Variants in AUTS2 observed in about 807,000 individuals in gnomAD.
AUTS2 encodes activator of transcription and developmental regulator AUTS2, also known as autism susceptibility gene 2 protein.
AUTS2 carries 17 observed loss-of-function variants against 112.4 expected under a neutral mutation model. That is an observed-to-expected ratio of 0.15 (90% CI 0.10 to 0.23). The LOEUF (loss-of-function observed/expected upper bound fraction) is 0.23. AUTS2 is among the 10% of genes least tolerant of loss of function. AUTS2 has a pLI of 1.00. For missense variants in AUTS2, 1,510 were observed against 1,701.6 expected (o/e 0.89, Z 1.98); for synonymous variants, 751 against 702.7 (o/e 1.07, Z -1.09).
At chr7:70,609,476 A>C (rs760817710) in intron 5 of AUTS2, among the ~76,000 whole-genome samples, 6 of 147,966 alleles carry the variant, frequency 4.1e-5, no homozygotes, top group Non-Finnish European at 8.9e-5. Flanking sequence ...CTTACTGCAA[A>C]CTCTGCCTCC....
intron 2 of AUTS2, among the ~76,000 whole-genome samples, chr7:69,994,770 C>T (rs952022066): frequency 6.6e-5 from 10 of 152,164 alleles, no homozygotes; most frequent in Non-Finnish European, 1.2e-4. Context: ...TTCTTGCAGT[C>T]CCTTCTACCA....
intron 5 of AUTS2, among the ~76,000 whole-genome samples, chr7:70,638,316 G>A (rs1227478549): frequency 1.3e-5 from 2 of 152,134 alleles, no homozygotes; most frequent in African/African-American, 4.8e-5. Flanking sequence ...GTAAACCCCA[G>A]CTTGGGTACC....
At chr7:70,774,417 A>G (rs1364142240) in intron 12 of AUTS2, 4 of 301,544 alleles carry the variant, frequency 1.3e-5, no homozygotes, top group African/African-American at 6.4e-5. Context: ...ATCTCCTTAA[A>G]TTGTCTTACA....
At chr7:70,473,697 GT>G (rs1355247091) in intron 5 of AUTS2, among the ~76,000 whole-genome samples, 2 of 146,446 alleles carry the variant, frequency 1.4e-5, no homozygotes, top group Non-Finnish European at 3.0e-5. Context: ...GAAAATGTTT[GT>G]TTTTTTGGTG....
At position 70,511,561 on chromosome 7, in the gene AUTS2, C is replaced by CTTTTTTTTTTTTT. The variant is rs3974587; in HGVS notation, c.690+75797_690+75809dup. Among the ~76,000 whole-genome samples, 155 of 70,116 alleles carry CTTTTTTTTTTTTT rather than the reference C, an allele frequency of 2.2e-3. 11 individuals carry two copies. The highest frequency in any genetic ancestry group is 0.015 in the Middle Eastern group (1 of 66). 46.0% of individuals were successfully genotyped at this position (70,116 alleles called of 152,430 possible). ...TTCATTTTAAACTTTTTTTCATTTT[C>CTTTTTTTTTTTTT]TTTTTTTTTTTTTTTTTTTTTTTTT... On this transcript the variant is annotated intron_variant, in intron 5 of 18. Coordinates refer to ENST00000342771, the MANE Select transcript of AUTS2 (RefSeq NM_015570.4).
intron 4 of AUTS2, among the ~76,000 whole-genome samples, chr7:70,232,518 C>T (rs1429871918): frequency 6.6e-6 from 1 of 152,058 alleles, no homozygotes; most frequent in African/African-American, 2.4e-5. Flanking sequence ...ATTCTCGAAC[C>T]TCAGACTCCC....
At chr7:70,135,779 C>T (rs889866099) in intron 4 of AUTS2, among the ~76,000 whole-genome samples, 11 of 152,238 alleles carry the variant, frequency 7.2e-5, no homozygotes, top group Non-Finnish European at 1.3e-4. Flanking sequence ...CTAACAGAAA[C>T]AAGCAGGATA....
intron 5 of AUTS2, among the ~76,000 whole-genome samples, chr7:70,472,157 C>T (rs1054656432): frequency 6.6e-6 from 1 of 152,190 alleles, no homozygotes; most frequent in South Asian, 2.1e-4. Flanking sequence ...CTACTCTTCA[C>T]CCTTGGATAG....
At chr7:70,586,197 C>T (rs1802681816) in intron 5 of AUTS2, among the ~76,000 whole-genome samples, 1 of 152,148 alleles carries the variant, frequency 6.6e-6, no homozygotes, top group Admixed American at 6.5e-5. Context: ...AACAATGCTA[C>T]ATGGCATTTG....
chr7:70,565,062 T>G (rs1412354849), intron 5 of AUTS2, among the ~76,000 whole-genome samples: 1 of 152,128 alleles, frequency 6.6e-6, no homozygotes, highest in Non-Finnish European at 1.5e-5. Context: ...CGTGCCAGTG[T>G]ACTCCAGCCT....
rs537343723 is a variant in AUTS2 at position 70,547,548 on chromosome 7, C to G, written c.690+111767C>G. On this transcript the variant is annotated intron_variant, in intron 5 of 18. Coordinates refer to ENST00000342771, the MANE Select transcript of AUTS2 (RefSeq NM_015570.4). ...GATTACAGGCGTGAGCCACCGTGCC[C>G]GGCCGTAATGTGTGGTCTTTTGCAT... is the stretch of plus-strand genomic sequence containing the variant. 3.2e-4 allele frequency among the ~76,000 whole-genome samples: 49 copies of G among 152,246 alleles called. 1 individual carries two copies. The highest frequency in any genetic ancestry group is 9.4e-4 in the African/African-American group (39 of 41,552).
chr7:70,501,110 ATC>A (rs1278502227), intron 5 of AUTS2, among the ~76,000 whole-genome samples: 1 of 152,240 alleles, frequency 6.6e-6, no homozygotes, highest in Non-Finnish European at 1.5e-5. Context: ...ACTTATTTTT[ATC>A]TCACCTATTC....
intron 2 of AUTS2, among the ~76,000 whole-genome samples, chr7:69,930,334 C>T (rs954541279): frequency 1.4e-4 from 22 of 152,112 alleles, no homozygotes; most frequent in Non-Finnish European, 3.1e-4. Context: ...TCTCTCTAGT[C>T]CTCTATCCTA....
intron 4 of AUTS2, among the ~76,000 whole-genome samples, chr7:70,317,895 T>C (rs528177806): frequency 6.6e-6 from 1 of 152,234 alleles, no homozygotes; most frequent in South Asian, 2.1e-4. Flanking sequence ...TTTGAAAGGT[T>C]ATTAGAGCTT....
chr7:70,323,228 A>G (rs958464199), intron 4 of AUTS2, among the ~76,000 whole-genome samples: 1 of 152,242 alleles, frequency 6.6e-6, no homozygotes, highest in Non-Finnish European at 1.5e-5. Flanking sequence ...CGCTCAAAAC[A>G]GGCAGACCTA....
intron 2 of AUTS2, among the ~76,000 whole-genome samples, chr7:70,039,595 T>A (rs1399543160): frequency 8.5e-5 from 13 of 152,172 alleles, no homozygotes; most frequent in Non-Finnish European, 1.6e-4. Flanking sequence ...AGGTGATCCC[T>A]GCCTTGGCCT....
At chr7:70,487,014 T>C (rs2116331175) in intron 5 of AUTS2, among the ~76,000 whole-genome samples, 1 of 151,834 alleles carries the variant, frequency 6.6e-6, no homozygotes, top group Middle Eastern at 3.4e-3. Flanking sequence ...AAACTGGTGT[T>C]TAGGGACAGA....
At chr7:70,271,185 A>C (rs1176639516) in intron 4 of AUTS2, among the ~76,000 whole-genome samples, 1 of 152,192 alleles carries the variant, frequency 6.6e-6, no homozygotes, top group East Asian at 1.9e-4. Flanking sequence ...TCAGTTGCTT[A>C]AAGAAGATGA....
chr7:70,642,576 T>G (rs1387186480), intron 5 of AUTS2, among the ~76,000 whole-genome samples: 1 of 152,198 alleles, frequency 6.6e-6, no homozygotes, highest in Non-Finnish European at 1.5e-5. Context: ...GCATTCTCCA[T>G]CCAAGCCTCA....
Sources: allele counts gnomAD v4.1 joint callset (sites outside exome capture counted in the v4.1 genomes callset), GRCh38; gene constraint gnomAD v4.1.1; transcripts MANE v1.5; gene names NCBI Gene and HGNC (gene_info 2026-07-23, HGNC 2026-07-21).